Variants in KNL1 observed in about 807,000 individuals in gnomAD.
KNL1 encodes outer kinetochore KNL1 complex subunit KNL1.
Under a neutral mutation model 201.3 loss-of-function variants are expected in KNL1, and 66 were observed. The observed-to-expected ratio is 0.33, with a 90% CI of 0.27 to 0.40. KNL1 has a LOEUF of 0.40. Ranked by LOEUF, KNL1 falls within the 10% of genes least tolerant of loss-of-function variation. The pLI is 1.00. For synonymous variants in KNL1, 895 were observed against 899.2 expected (o/e 1.00, Z 0.08); for missense variants, 2,815 against 2,690.5 (o/e 1.05, Z -1.02).
At chr15:40,641,405 T>C (rs1893225473) in intron 14 of KNL1, among the ~76,000 whole-genome samples, 1 of 152,232 alleles carries the variant, frequency 6.6e-6, no homozygotes, top group African/African-American at 2.4e-5. Flanking sequence ...ATATCATAAG[T>C]TGATTGCTAG....
At chr15:40,644,428 A>C (rs749940631) in intron 14 of KNL1, among the ~76,000 whole-genome samples, 6 of 152,246 alleles carry the variant, frequency 3.9e-5, no homozygotes, top group Non-Finnish European at 8.8e-5. Flanking sequence ...AAAGACATTC[A>C]GTTCCCATGG....
At position 40,644,565 on chromosome 15, in the gene KNL1, G is replaced by A. The variant is rs531902732; in HGVS notation, c.5799-432G>A. 2.2e-4 allele frequency among the ~76,000 whole-genome samples: 34 copies of A among 152,290 alleles called. 1 individual carries two copies. The highest frequency in any genetic ancestry group is 7.2e-4 in the African/African-American group (30 of 41,552). On this transcript the variant is annotated intron_variant, in intron 14 of 25. Transcript: ENST00000399668. The stretch of plus-strand genomic sequence containing the variant: ...GACAGTCAGGTCTTTCTCATCCCAC[G>A]AGGCCATATTTCAGACTATCACATG...
Position 40,615,388 on chromosome 15 carries a change from A to C in KNL1, c.322+10A>C, listed in dbSNP as rs1366339406. On this transcript the variant is annotated intron_variant, in intron 8 of 25. Transcript: ENST00000399668. The stretch of plus-strand genomic sequence containing the variant: ...TACTGTGAAATTACTGGTGAGTATG[A>C]CTAGAATACTTTTCTTATAGTAAGA... The C allele has an allele frequency of 1.5e-6, 1 of 685,260 alleles. No individual in the cohort carries two copies. Among genetic ancestry groups the C allele is most frequent in the Non-Finnish European group, 2.4e-6 (1 of 417,214 alleles). 42.4% of individuals were successfully genotyped at this position (685,260 alleles called of 1,614,324 possible).
chr15:40,658,242 G>T (rs1893791474), intron 24 of KNL1, among the ~76,000 whole-genome samples: 1 of 150,332 alleles, frequency 6.7e-6, no homozygotes, highest in Admixed American at 6.7e-5. Context: ...CTCCAGCCTG[G>T]GCACAAAGAG....
At chr15:40,644,804 G>A (rs536577107) in intron 14 of KNL1, among the ~76,000 whole-genome samples, 193 bp from the exon 15 acceptor site, 5 of 152,206 alleles carry the variant, frequency 3.3e-5, no homozygotes, top group African/African-American at 9.6e-5. Context: ...TGAGCTTCAG[G>A]TTGGGTCAAA....
At position 40,623,764 on chromosome 15, in the gene KNL1, C is replaced by T. The variant is rs772808110; in HGVS notation, c.3500C>T (p.Thr1167Ile). Reference sequence around the variant, plus strand: ...GATAATTACAGTGATCTGGAAGTCACCGATTCCCATACTGTTTTCATTGAC... The same window carrying T: ...GATAATTACAGTGATCTGGAAGTCATCGATTCCCATACTGTTTTCATTGAC... ...FTDNYSDLEV[T>I]DSHTVFIDCQ... Residue 1167 changes from threonine to isoleucine, a missense_variant, in exon 10 of 26, where the codon ACC (threonine) becomes ATC (isoleucine). Thr to Ile is a moderately conservative substitution (Grantham distance 89). Around this residue, in one of 3 missense-constraint regions of KNL1, gnomAD observed 2,464 missense variants for 2,291.7 expected, o/e 1.08. Coordinates refer to ENST00000399668, the MANE Select transcript of KNL1 (RefSeq NM_144508.5). The T allele has an allele frequency of 6.3e-5, 102 of 1,613,766 alleles. No individual in the cohort carries two copies. Among genetic ancestry groups the T allele is most frequent in the Non-Finnish European group, 8.5e-5 (100 of 1,179,892 alleles).
intron 8 of KNL1, chr15:40,616,018 G>A (rs1363175292): frequency 6.6e-6 from 1 of 151,310 alleles, no homozygotes; most frequent in Non-Finnish European, 1.5e-5. Flanking sequence ...AACCGCCTTG[G>A]CCTCCCAAAG....
chr15:40,629,716 TG>T (rs1482315025), intron 13 of KNL1, among the ~76,000 whole-genome samples: 1 of 151,932 alleles, frequency 6.6e-6, no homozygotes, highest in African/African-American at 2.4e-5. Flanking sequence ...TTGGCCAGGC[TG>T]GTCTTGAACT....
chr15:40,625,001 A>C lies in KNL1; in HGVS notation c.4737A>C (p.Leu1579=). The C allele has an allele frequency of 6.2e-7, 1 of 1,614,008 alleles. No individual in the cohort carries two copies. Among genetic ancestry groups the C allele is most frequent in the Non-Finnish European group, 8.5e-7 (1 of 1,179,964 alleles). The change falls in exon 10 of 26, where the codon CTA becomes CTC. Residue 1579 remains leucine, a synonymous_variant. Coordinates refer to ENST00000399668, the MANE Select transcript of KNL1 (RefSeq NM_144508.5). ...GEFLAFQTVH[L]PPLPEQLLEL... ...TTTTAGCCTTTCAAACTGTTCATCT[A>C]CCACCCCTTCCAGAGCAATTACTTG... is the stretch of plus-strand genomic sequence containing the variant.
intron 8 of KNL1, 26 bp from the exon 9 acceptor site, chr15:40,618,933 T>G: frequency 1.3e-6 from 2 of 1,521,916 alleles, no homozygotes; most frequent in Non-Finnish European, 1.8e-6. Context: ...ATTTTCTGAC[T>G]ACAGTTTTTT....
intron 6 of KNL1, among the ~76,000 whole-genome samples, 165 bp downstream of exon 6, chr15:40,610,462 C>G (rs1892117184): frequency 6.6e-6 from 1 of 152,146 alleles, no homozygotes; most frequent in African/African-American, 2.4e-5. Context: ...CTTTGGCAGT[C>G]TGAGGTGGGA....
chr15:40,596,722 C>T (rs938783691), intron 1 of KNL1, among the ~76,000 whole-genome samples: 1 of 151,730 alleles, frequency 6.6e-6, no homozygotes, highest in Admixed American at 6.6e-5. Flanking sequence ...GCTTTTGGGC[C>T]GGGCACGGTG....
chr15:40,645,214 G>C lies in KNL1; in HGVS notation c.5889+127G>C, dbSNP rs536216971. The C allele has an allele frequency of 1.2e-3, 711 of 583,708 alleles. 14 individuals are homozygous for C. The South Asian group carries it at 0.013, about 10-fold the overall frequency. 36.2% of individuals were successfully genotyped at this position (583,708 alleles called of 1,614,324 possible). The stretch of plus-strand genomic sequence containing the variant: ...TAACTTATTTTTTAAGTGTAATGTG[G>C]TACCAAGGTCTTATTTAATTACACA... On this transcript the variant is annotated intron_variant, in intron 15 of 25. Transcript: ENST00000399668.
chr15:40,604,497 C>G (rs748460080), intron 2 of KNL1, among the ~76,000 whole-genome samples: 4 of 152,166 alleles, frequency 2.6e-5, no homozygotes, highest in Non-Finnish European at 5.9e-5. Flanking sequence ...TAGACATGGG[C>G]CACTGTGGCT....
intron 5 of KNL1, 81 bp downstream of exon 5, chr15:40,608,989 G>A (rs1892068848): frequency 2.3e-6 from 2 of 872,912 alleles, no homozygotes; most frequent in Admixed American, 4.1e-5. Context: ...GTACTGACTT[G>A]AATAATCTGT....
chr15:40,653,479 C>T (rs1244946808), intron 21 of KNL1, among the ~76,000 whole-genome samples: 2 of 152,220 alleles, frequency 1.3e-5, no homozygotes, highest in African/African-American at 4.8e-5. Context: ...GCATGAACCA[C>T]AGCGCCCAAC....
intron 13 of KNL1, among the ~76,000 whole-genome samples, chr15:40,639,297 A>C (rs561767900): frequency 6.6e-6 from 1 of 151,268 alleles, no homozygotes; most frequent in Admixed American, 6.6e-5. Flanking sequence ...CTAAAAAAAA[A>C]AATTTTGGCC....
chr15:40,663,472 A>G lies in KNL1; in HGVS notation c.*1284A>G, dbSNP rs933416567. 6 of 187,378 alleles carry G rather than the reference A, an allele frequency of 3.2e-5. No homozygotes were observed. Among genetic ancestry groups the G allele is most frequent in the African/African-American group, 1.2e-4 (5 of 42,792 alleles). The allele number at this position is 187,378 out of a possible 1,614,324, so 11.6% of individuals were successfully genotyped here. Reference sequence around the variant, plus strand: ...TTTGTGATGTAGTAAGGAGATGTACATAGAAATTCATTGAGGTATATAGAT... The same window carrying G: ...TTTGTGATGTAGTAAGGAGATGTACGTAGAAATTCATTGAGGTATATAGAT... On this transcript the variant is annotated 3_prime_UTR_variant, in exon 26 of 26. Transcript: ENST00000399668.
intron 21 of KNL1, among the ~76,000 whole-genome samples, chr15:40,652,493 G>A (rs1393173225): frequency 6.8e-6 from 1 of 147,762 alleles, no homozygotes; most frequent in Non-Finnish European, 1.5e-5. Context: ...TTAAGAGTGA[G>A]GCCCTGCAGC....
Sources: allele counts gnomAD v4.1 joint callset (sites outside exome capture counted in the v4.1 genomes callset), GRCh38; gene constraint gnomAD v4.1.1; regional missense constraint gnomAD v4.1.1; transcripts MANE v1.5; gene names NCBI Gene and HGNC (gene_info 2026-07-23, HGNC 2026-07-21).